The following ERCC1 variants were observed in gnomAD, a reference collection of about 807,000 sequenced individuals.
ERCC1 encodes ERCC excision repair 1, endonuclease non-catalytic subunit.
A neutral mutation model predicts 37.6 loss-of-function variants in ERCC1; 36 were observed. The observed-to-expected ratio is 0.96, with a 90% CI of 0.73 to 1.26. The LOEUF is 1.26. Among genes scored for constraint, ERCC1 ranks in the 50% most tolerant of loss-of-function variants. ERCC1 has a pLI of 0.00. For missense variants in ERCC1, 349 were observed against 376.5 expected (o/e 0.93, Z 0.60); for synonymous variants, 156 against 162.1 (o/e 0.96, Z 0.28).
chr19:45,430,921 A>G (rs1974814952), intron 1 of ERCC1, among the ~76,000 whole-genome samples: 1 of 152,030 alleles, frequency 6.6e-6, no homozygotes, highest in Admixed American at 6.6e-5. Context: ...AAAAATTACC[A>G]TAATAATATT....
intron 5 of ERCC1, among the ~76,000 whole-genome samples, chr19:45,418,219 C>T (rs1390796158): frequency 6.6e-6 from 1 of 151,886 alleles, no homozygotes; most frequent in South Asian, 2.1e-4. Flanking sequence ...CATGGTGGTA[C>T]GCACCTGTAA....
At chr19:45,444,647 C>T (rs960905842) in intron 1 of ERCC1, among the ~76,000 whole-genome samples, 3 of 152,138 alleles carry the variant, frequency 2.0e-5, no homozygotes, top group African/African-American at 7.2e-5. Context: ...CGGAGACATG[C>T]GTGGAGGCCG....
upstream of ERCC1, among the ~76,000 whole-genome samples, chr19:45,428,079 C>CTTTT (rs1974741086): frequency 1.6e-5 from 2 of 125,820 alleles, no homozygotes; most frequent in Non-Finnish European, 3.1e-5. Context: ...TTCTTTCTTT[C>CTTTT]TTTCTTTTTT....
chr19:45,447,874 A>ATT (rs112686421), intron 1 of ERCC1, among the ~76,000 whole-genome samples: 1,539 of 142,766 alleles, frequency 0.011, 13 homozygotes, highest in Non-Finnish European at 0.017. Flanking sequence ...TTTCTCTGAG[A>ATT]TTTTTTTTTT....
chr19:45,436,246 AGCG>A (rs1045137458), intron 1 of ERCC1, among the ~76,000 whole-genome samples: 1 of 152,154 alleles, frequency 6.6e-6, no homozygotes, highest in African/African-American at 2.4e-5. Flanking sequence ...CTCTGCCGTT[AGCG>A]TGGAGGGGAC....
chr19:45,439,486 C>T, intron 1 of ERCC1, among the ~76,000 whole-genome samples: 1 of 152,098 alleles, frequency 6.6e-6, no homozygotes, highest in Middle Eastern at 3.2e-3. Context: ...TCGCTTGAGC[C>T]CAGGAGTTCT....
Position 45,414,863 on chromosome 19 carries a change from G to A in ERCC1, c.700C>T (p.Arg234Trp), listed in dbSNP as rs772941786. ...GATGGGAGGTGAGGTGGCCTCACCC[G>A]GGAGACGAAGTCCTGCTCTAGCTTC... ...MEKLEQDFVS[R>W]VTECLTTVKS... The change falls in exon 7 of 10, where the codon CGG becomes TGG. Residue 234 changes from arginine to tryptophan, a missense_variant and splice_region_variant. Transcript: ENST00000300853. 16 of 1,611,444 alleles carry A rather than the reference G, an allele frequency of 9.9e-6. No homozygotes were observed. The highest frequency in any genetic ancestry group is 4.5e-5 in the East Asian group (2 of 44,850).
intron 1 of ERCC1, among the ~76,000 whole-genome samples, chr19:45,440,907 A>AT (rs1282122692): frequency 7.3e-5 from 11 of 151,684 alleles, no homozygotes; most frequent in Non-Finnish European, 1.6e-4. Context: ...CTAATTTTTC[A>AT]TTTTTTTGTA....
intron 2 of ERCC1, 113 bp downstream of exon 2, chr19:45,423,157 C>G (rs1055552063): frequency 5.2e-5 from 52 of 1,008,072 alleles, no homozygotes; most frequent in Non-Finnish European, 7.6e-5. Flanking sequence ...TTCCCCAAGT[C>G]GTCCGTGGCC....
chr19:45,431,409 T>A (rs1220820379), intron 1 of ERCC1, among the ~76,000 whole-genome samples: 5 of 152,176 alleles, frequency 3.3e-5, no homozygotes, highest in African/African-American at 9.7e-5. Flanking sequence ...CCGGGAGCAG[T>A]GGCTCATGCC....
rs3212970 is a variant in ERCC1 at position 45,415,944 on chromosome 19, G to A, written c.602+877C>T. The A allele has an allele frequency of 3.9e-3, 1,418 of 363,350 alleles. 34 individuals carry two copies. Among genetic ancestry groups the A allele is most frequent in the South Asian group, 0.027 (1,376 of 50,672 alleles). The allele number at this position is 363,350 out of a possible 1,614,324, so 22.5% of individuals were successfully genotyped here. ...TGAGCTCAGGAGTTCAAGACCAGCC[G>A]GGACAACATAGCAAGGTGTTGTCTC... On this transcript the variant is annotated intron_variant, in intron 6 of 9. Transcript: ENST00000300853.
chr19:45,447,976 A>G (rs1456451387), intron 1 of ERCC1, among the ~76,000 whole-genome samples: 1 of 151,484 alleles, frequency 6.6e-6, no homozygotes, highest in Non-Finnish European at 1.5e-5. Context: ...GGTTCAAGTG[A>G]TTCTCCTGCC....
chr19:45,447,840 A>G (rs1171272927), intron 1 of ERCC1, among the ~76,000 whole-genome samples: 1 of 151,278 alleles, frequency 6.6e-6, no homozygotes, highest in East Asian at 2.0e-4. Context: ...GGAGTAACTC[A>G]CATAGCATAA....
At chr19:45,428,636 G>C (rs1030005119), upstream of ERCC1, among the ~76,000 whole-genome samples, 13 of 152,344 alleles carry the variant, frequency 8.5e-5, no homozygotes, top group African/African-American at 2.9e-4. Flanking sequence ...GCCCCGGAAC[G>C]GGTGGGGTGG....
In ERCC1 at chr19:45,408,984, T is replaced by TGATGGAGCCAGGGACGGAGGC. The variant is rs1568570769; in HGVS notation, c.*670_*690dup. On this transcript the variant is annotated 3_prime_UTR_variant, in exon 10 of 10. Transcript: ENST00000300853. ...AAAAAAGAAAAGGGACAGATGGCAATGATGGAGCCAGGGACGGAGGCGATG... is the reference window on the plus strand; with the variant it reads ...AAAAAAGAAAAGGGACAGATGGCAATGATGGAGCCAGGGACGGAGGCGATGGAGCCAGGGACGGAGGCGATG... 1.2e-6 allele frequency: 2 copies of TGATGGAGCCAGGGACGGAGGC among 1,613,432 alleles called. No homozygotes were observed. The highest frequency in any genetic ancestry group is 1.1e-5 in the South Asian group (1 of 91,042).
At chr19:45,415,267 G>A (rs550176358) in intron 6 of ERCC1, among the ~76,000 whole-genome samples, 6 of 150,698 alleles carry the variant, frequency 4.0e-5, no homozygotes, top group South Asian at 4.2e-4. Flanking sequence ...CCCGGGAGGC[G>A]GAGGTTGCAG....
intron 1 of ERCC1, among the ~76,000 whole-genome samples, chr19:45,451,049 C>G (rs1967106494): frequency 6.6e-6 from 1 of 152,030 alleles, no homozygotes; most frequent in South Asian, 2.1e-4. Context: ...CCGCCGGGAG[C>G]CCGGGGCGGG....
chr19:45,411,072 C>T (rs1438218851), intron 9 of ERCC1, among the ~76,000 whole-genome samples: 3 of 152,188 alleles, frequency 2.0e-5, no homozygotes, highest in Non-Finnish European at 4.4e-5. Context: ...GATCTGCCCG[C>T]CTCGGCCTCC....
intron 8 of ERCC1, 22 bp downstream of exon 8, chr19:45,413,941 G>A (rs555758330): frequency 1.2e-6 from 2 of 1,610,502 alleles, no homozygotes; most frequent in East Asian, 4.5e-5. Flanking sequence ...AATGCCTATG[G>A]GGCAGGGGAG....
Sources: allele counts gnomAD v4.1 joint callset (sites outside exome capture counted in the v4.1 genomes callset), GRCh38; gene constraint gnomAD v4.1.1; transcripts MANE v1.5; gene names NCBI Gene and HGNC (gene_info 2026-07-23, HGNC 2026-07-21).